Variants in CNTNAP5 observed in about 807,000 individuals in gnomAD.
CNTNAP5 encodes contactin-associated protein-like 5.
In CNTNAP5, 72 loss-of-function variants were observed where a neutral mutation model predicts 150.2. The ratio of observed to expected loss-of-function variants is 0.48; its 90% CI spans 0.40 to 0.58. CNTNAP5 has a LOEUF of 0.58. Among genes scored for constraint, CNTNAP5 ranks in the 20% least tolerant of loss-of-function variants. The pLI is 0.00. For missense variants in CNTNAP5, 1,636 were observed against 1,626.2 expected, an observed-to-expected ratio of 1.01 and a Z score of -0.10; for synonymous variants, 672 against 619.8, an observed-to-expected ratio of 1.08 and a Z score of -1.25.
chr2:124,685,769 C>A (rs562339939), intron 13 of CNTNAP5, among the ~76,000 whole-genome samples: 1 of 135,880 alleles, frequency 7.4e-6, no homozygotes, highest in East Asian at 2.1e-4. Flanking sequence ...TGTGCGCGCG[C>A]GTGTTATTGA....
chr2:124,733,836 T>A (rs1680325830), intron 13 of CNTNAP5, among the ~76,000 whole-genome samples: 1 of 152,110 alleles, frequency 6.6e-6, no homozygotes, highest in Non-Finnish European at 1.5e-5. Context: ...CACTGCAGAT[T>A]TGGAAAGAAA....
At chr2:124,816,463 T>C (rs1682363508) in intron 19 of CNTNAP5, among the ~76,000 whole-genome samples, 2 of 148,002 alleles carry the variant, frequency 1.4e-5, no homozygotes, top group Middle Eastern at 3.5e-3. Context: ...CCTATTGGCC[T>C]TGCAGCTTAC....
chr2:124,903,964 G>T (rs1246390770), intron 22 of CNTNAP5, among the ~76,000 whole-genome samples: 1 of 142,898 alleles, frequency 7.0e-6, no homozygotes, highest in African/African-American at 2.6e-5. Context: ...TGAGGAATGA[G>T]AATCGCTTGA....
chr2:124,305,091 C>T (rs1432430140), intron 3 of CNTNAP5, among the ~76,000 whole-genome samples: 1 of 137,486 alleles, frequency 7.3e-6, no homozygotes, highest in Non-Finnish European at 1.5e-5. Context: ...TATGGTGAAA[C>T]TCCATCTGTA....
intron 1 of CNTNAP5, among the ~76,000 whole-genome samples, chr2:124,147,492 C>T (rs551109771): frequency 3.9e-5 from 6 of 152,340 alleles, no homozygotes; most frequent in Non-Finnish European, 7.3e-5. Flanking sequence ...TATTTGATTA[C>T]ACATCTTTAT....
At chr2:124,365,009 A>G (rs753376394) in intron 3 of CNTNAP5, among the ~76,000 whole-genome samples, 1 of 152,194 alleles carries the variant, frequency 6.6e-6, no homozygotes, top group Non-Finnish European at 1.5e-5. Context: ...ACTATTGGCC[A>G]TAGAGTTGAT....
chr2:124,796,869 A>G (rs1681856700), intron 18 of CNTNAP5, among the ~76,000 whole-genome samples: 1 of 152,218 alleles, frequency 6.6e-6, no homozygotes, highest in South Asian at 2.1e-4. Flanking sequence ...GCCCTATGAA[A>G]GAGCCTTCCC....
chr2:124,618,345 T>A (rs536606265), intron 12 of CNTNAP5, among the ~76,000 whole-genome samples: 1 of 152,126 alleles, frequency 6.6e-6, no homozygotes. Context: ...ACTGACCCCA[T>A]ATCTTGAGGA....
intron 10 of CNTNAP5, among the ~76,000 whole-genome samples, chr2:124,528,058 A>G (rs1695017795): frequency 6.6e-6 from 1 of 152,194 alleles, no homozygotes; most frequent in Non-Finnish European, 1.5e-5. Flanking sequence ...GCAGAAAACC[A>G]AAGAGGATGG....
At chr2:124,114,412 G>A (rs1327305947) in intron 1 of CNTNAP5, among the ~76,000 whole-genome samples, 1 of 151,586 alleles carries the variant, frequency 6.6e-6, no homozygotes, top group Non-Finnish European at 1.5e-5. Context: ...TTTAAAAATA[G>A]GATCTTCTAA....
intron 1 of CNTNAP5, among the ~76,000 whole-genome samples, chr2:124,117,374 C>T (rs1407027383): frequency 6.6e-6 from 1 of 152,132 alleles, no homozygotes; most frequent in Non-Finnish European, 1.5e-5. Flanking sequence ...TCTGTGGAGG[C>T]AGAGACTTTA....
rs781444789 is a variant in CNTNAP5 at position 124,068,388 on chromosome 2, C to G, written c.82+42656C>G. Among the ~76,000 whole-genome samples the G allele has an allele frequency of 7.9e-5, 12 of 152,242 alleles. No individual in the cohort carries two copies. In the South Asian group the frequency reaches 2.5e-3, roughly 32 times the overall value. ...GACTCAGCCAGCACTCATCCAGGGC[C>G]CACAGAAGGAGCATTTGGACCAGGC... On this transcript the variant is annotated intron_variant, in intron 1 of 23. Coordinates refer to ENST00000682447, the MANE Select transcript of CNTNAP5 (RefSeq NM_001367498.1).
At chr2:124,469,566 T>C (rs888854928) in intron 6 of CNTNAP5, among the ~76,000 whole-genome samples, 2 of 151,990 alleles carry the variant, frequency 1.3e-5, no homozygotes, top group African/African-American at 4.8e-5. Context: ...TTCTTTTTTT[T>C]TACATTTTTA....
At chr2:124,137,833 C>T (rs1684013985) in intron 1 of CNTNAP5, among the ~76,000 whole-genome samples, 1 of 151,598 alleles carries the variant, frequency 6.6e-6, no homozygotes, top group Non-Finnish European at 1.5e-5. Context: ...GGGCCATGAG[C>T]CTAGAGACTA....
At chr2:124,031,358 C>T (rs1681045911) in intron 1 of CNTNAP5, among the ~76,000 whole-genome samples, 1 of 152,090 alleles carries the variant, frequency 6.6e-6, no homozygotes, top group Non-Finnish European at 1.5e-5. Context: ...GCTAAGAATG[C>T]TTATTTCTAA....
intron 13 of CNTNAP5, among the ~76,000 whole-genome samples, chr2:124,727,745 C>T (rs1339155473): frequency 1.3e-5 from 2 of 151,968 alleles, no homozygotes; most frequent in East Asian, 3.9e-4. Flanking sequence ...AAGATTATGT[C>T]ATCTGCAGAG....
At chr2:124,864,209 C>T (rs1292087923) in intron 19 of CNTNAP5, among the ~76,000 whole-genome samples, 2 of 152,132 alleles carry the variant, frequency 1.3e-5, no homozygotes, top group African/African-American at 4.8e-5. Flanking sequence ...GTCTTTCAAA[C>T]ATTTTTTTAA....
chr2:124,657,956 C>T (rs966191535), intron 13 of CNTNAP5, among the ~76,000 whole-genome samples: 1 of 152,194 alleles, frequency 6.6e-6, no homozygotes, highest in African/African-American at 2.4e-5. Flanking sequence ...CTTCTTCTTG[C>T]TTATTTGTTC....
chr2:124,243,108 G>A, intron 3 of CNTNAP5, among the ~76,000 whole-genome samples: 1 of 152,306 alleles, frequency 6.6e-6, no homozygotes, highest in African/African-American at 2.4e-5. Context: ...TGGAGGAAAA[G>A]GTGGAGGTGA....
Sources: allele counts gnomAD v4.1 joint callset (sites outside exome capture counted in the v4.1 genomes callset), GRCh38; gene constraint gnomAD v4.1.1; transcripts MANE v1.5; gene names NCBI Gene and HGNC (gene_info 2026-07-23, HGNC 2026-07-21).